Variants in PDE7B observed in about 807,000 individuals in gnomAD.
PDE7B encodes the protein phosphodiesterase 7B.
Under a neutral mutation model 56.2 loss-of-function variants are expected in PDE7B, and 29 were observed. The observed-to-expected ratio is 0.52, with a 90% CI of 0.38 to 0.70. PDE7B has a LOEUF of 0.70. PDE7B is among the 30% of genes least tolerant of loss of function. PDE7B has a pLI of 0.00. For missense variants in PDE7B, 490 were observed against 565.0 expected (o/e 0.87, Z 1.35); for synonymous variants, 197 against 196.9 (o/e 1.00, Z 0.00).
chr6:135,933,345 T>C (rs1039740835), intron 1 of PDE7B, among the ~76,000 whole-genome samples: 1 of 152,242 alleles, frequency 6.6e-6, no homozygotes, highest in African/African-American at 2.4e-5. Flanking sequence ...TCTCCAAGTA[T>C]GCTTGTGTTG....
In PDE7B at chr6:136,194,152, G is replaced by A. The variant is rs1362362068; in HGVS notation, c.*2312G>A. 1.3e-5 allele frequency: 2 copies of A among 152,090 alleles called. No individual in the cohort carries two copies. Among genetic ancestry groups the A allele is most frequent in the African/African-American group, 4.8e-5 (2 of 41,404 alleles). The allele number at this position is 152,090 out of a possible 1,614,324, so 9.4% of individuals were successfully genotyped here. On this transcript the variant is annotated 3_prime_UTR_variant, in exon 13 of 13. Transcript: ENST00000308191. Reference sequence around the variant, plus strand: ...GGCTTTTGAACAGTCTATTTTTAATGTATATGAGGTCAAATCAAGGAAGGC... The same window carrying A: ...GGCTTTTGAACAGTCTATTTTTAATATATATGAGGTCAAATCAAGGAAGGC...
chr6:135,959,248 A>C (rs1434648018), intron 2 of PDE7B, among the ~76,000 whole-genome samples: 1 of 152,206 alleles, frequency 6.6e-6, no homozygotes, highest in Admixed American at 6.5e-5. Flanking sequence ...AAGTTGGTGA[A>C]TAGCACCATC....
At chr6:135,944,843 T>C (rs143718074) in intron 1 of PDE7B, among the ~76,000 whole-genome samples, 6 of 152,302 alleles carry the variant, frequency 3.9e-5, no homozygotes, top group African/African-American at 1.2e-4. Context: ...CATCAACCCC[T>C]GCCCCTAGAG....
rs1779294863 is a variant in PDE7B, at chr6:136,195,180, T to A, written c.*3340T>A. The A allele has an allele frequency of 6.6e-6, 1 of 152,202 alleles. No individual in the cohort carries two copies. The highest frequency in any genetic ancestry group is 1.5e-5 in the Non-Finnish European group (1 of 68,036). 9.4% of individuals were successfully genotyped at this position (152,202 alleles called of 1,614,324 possible). On this transcript the variant is annotated 3_prime_UTR_variant, in exon 13 of 13. Transcript: ENST00000308191. Reference sequence around the variant, plus strand: ...GGACCTTATTTAGGAAACCCTGACCTACCCATAACTCCCTGCTAGGCTAAG... The same window carrying A: ...GGACCTTATTTAGGAAACCCTGACCAACCCATAACTCCCTGCTAGGCTAAG...
At chr6:135,857,016 A>C (rs1179426783) in intron 1 of PDE7B, among the ~76,000 whole-genome samples, 224 of 109,402 alleles carry the variant, frequency 2.0e-3, no homozygotes, top group African/African-American at 4.8e-3. Context: ...CTGCCCTCTT[A>C]CTCCTTTTCC....
At chr6:136,052,591 T>C (rs1776648995) in intron 2 of PDE7B, among the ~76,000 whole-genome samples, 2 of 151,588 alleles carry the variant, frequency 1.3e-5, no homozygotes, top group African/African-American at 4.9e-5. Flanking sequence ...AGCTCAGTTC[T>C]TGTGGGTGTA....
At chr6:136,127,284 GC>G (rs967123838) in intron 3 of PDE7B, among the ~76,000 whole-genome samples, 2 of 152,006 alleles carry the variant, frequency 1.3e-5, no homozygotes, top group African/African-American at 4.8e-5. Flanking sequence ...AGCCAAGAAT[GC>G]CCCCCCAACA....
chr6:136,138,733 A>C (rs759808744), intron 3 of PDE7B, among the ~76,000 whole-genome samples: 3 of 152,118 alleles, frequency 2.0e-5, no homozygotes, highest in Non-Finnish European at 4.4e-5. Context: ...CTATTTTAGA[A>C]AATATTGGCC....
At chr6:136,191,013 C>CT (rs752187218) in intron 12 of PDE7B, among the ~76,000 whole-genome samples, 1,711 of 99,270 alleles carry the variant, frequency 0.017, 42 homozygotes, top group East Asian at 0.054. Flanking sequence ...CCAGCATACA[C>CT]TTTTTTTTTT....
intron 1 of PDE7B, among the ~76,000 whole-genome samples, chr6:135,853,883 A>C (rs529451536): frequency 6.6e-6 from 1 of 152,146 alleles, no homozygotes; most frequent in Non-Finnish European, 1.5e-5. Context: ...CTCCATAAAA[A>C]CCTAGTTAAA....
intron 2 of PDE7B, among the ~76,000 whole-genome samples, chr6:135,964,462 A>C (rs1456964759): frequency 6.6e-6 from 1 of 152,150 alleles, no homozygotes; most frequent in Non-Finnish European, 1.5e-5. Flanking sequence ...GTGGCTTCCC[A>C]AAAGTATATA....
At chr6:136,090,738 C>A (rs894080218) in intron 2 of PDE7B, among the ~76,000 whole-genome samples, 1 of 152,066 alleles carries the variant, frequency 6.6e-6, no homozygotes. Context: ...CCTAGGAGGG[C>A]CAAGAAGTTT....
chr6:135,992,449 A>T (rs1044079990), intron 2 of PDE7B, among the ~76,000 whole-genome samples: 2 of 152,126 alleles, frequency 1.3e-5, no homozygotes, highest in Non-Finnish European at 2.9e-5. Flanking sequence ...ATTAATTTGC[A>T]TTTCAGGTTA....
At chr6:135,938,320 T>A (rs996301912) in intron 1 of PDE7B, among the ~76,000 whole-genome samples, 2 of 152,208 alleles carry the variant, frequency 1.3e-5, no homozygotes, top group Non-Finnish European at 2.9e-5. Flanking sequence ...TGTGGCTAGG[T>A]GTAAACCCTT....
intron 3 of PDE7B, among the ~76,000 whole-genome samples, chr6:136,120,494 AT>A (rs1777910596): frequency 6.6e-6 from 1 of 152,176 alleles, no homozygotes; most frequent in Non-Finnish European, 1.5e-5. Flanking sequence ...TCCTGAGAAG[AT>A]GGGAGGGGAT....
chr6:135,947,398 G>T, intron 1 of PDE7B, 66 bp from the exon 2 acceptor site: 3 of 1,197,634 alleles, frequency 2.5e-6, no homozygotes, highest in Admixed American at 3.4e-5. Flanking sequence ...CAGGTCACAT[G>T]GATATATTGT....
chr6:135,983,240 CTTG>C (rs1289686327), intron 2 of PDE7B, among the ~76,000 whole-genome samples: 4 of 152,304 alleles, frequency 2.6e-5, no homozygotes, highest in East Asian at 1.9e-4. Flanking sequence ...CACTGACTGA[CTTG>C]TTGTTGACTC....
intron 1 of PDE7B, among the ~76,000 whole-genome samples, chr6:135,901,891 TAGAA>T (rs1776007545): frequency 6.6e-6 from 1 of 152,078 alleles, no homozygotes; most frequent in Non-Finnish European, 1.5e-5. Flanking sequence ...AGCAATGAAA[TAGAA>T]AGCAGAATGC....
At chr6:135,949,483 G>T (rs1774658311) in intron 2 of PDE7B, among the ~76,000 whole-genome samples, 1 of 152,010 alleles carries the variant, frequency 6.6e-6, no homozygotes, top group African/African-American at 2.4e-5. Context: ...TCTAAAATTA[G>T]AAATGCATTT....
Sources: allele counts gnomAD v4.1 joint callset (sites outside exome capture counted in the v4.1 genomes callset), GRCh38; gene constraint gnomAD v4.1.1; transcripts MANE v1.5; gene names NCBI Gene and HGNC (gene_info 2026-07-23, HGNC 2026-07-21).